The following CACNA1H variants were observed in gnomAD, a reference collection of about 807,000 sequenced individuals.
The protein encoded by CACNA1H is calcium voltage-gated channel subunit alpha1 H.
Under a neutral mutation model 192.5 loss-of-function variants are expected in CACNA1H, and 149 were observed. That is an observed-to-expected ratio of 0.77 (90% CI 0.68 to 0.89). CACNA1H has a LOEUF of 0.89. Among genes scored for constraint, CACNA1H ranks in the 40% least tolerant of loss-of-function variants. The probability of loss-of-function intolerance (pLI) is 0.00; values close to 1 mark genes in which losing one functional copy is unlikely to be tolerated. For missense variants in CACNA1H, 4,257 were observed against 3,423.5 expected (o/e 1.24, Z -6.08); for synonymous variants, 2,202 against 1,475.2 (o/e 1.49, Z -11.29).
At chr16:1,158,546 G>A (rs987705221) in intron 2 of CACNA1H, among the ~76,000 whole-genome samples, 28 of 152,216 alleles carry the variant, frequency 1.8e-4, no homozygotes, top group Non-Finnish European at 3.1e-4. Flanking sequence ...TCTTGTTCCC[G>A]CCAGGAAGTG....
chr16:1,181,632 T>G (rs1484857213), intron 2 of CACNA1H, among the ~76,000 whole-genome samples: 1 of 152,230 alleles, frequency 6.6e-6, no homozygotes, highest in Non-Finnish European at 1.5e-5. Context: ...TAAATAGGTA[T>G]ATTAGGTCTC....
rs746581234 is a variant in CACNA1H at position 1,210,334 on chromosome 16, C to T, written c.3846-36C>T. On this transcript the variant is annotated intron_variant, in intron 18 of 34. Coordinates refer to ENST00000348261, the MANE Select transcript of CACNA1H (RefSeq NM_021098.3). ...CCCATCCACTCTGCCATCCACGCCG[C>T]CCCGCCCCACCTCTCACCCGCCCCC... 5.7e-6 allele frequency: 7 copies of T among 1,233,170 alleles called. No individual in the cohort carries two copies. In the Admixed American group the frequency reaches 1.5e-4, roughly 26 times the overall value. 76.4% of individuals were successfully genotyped at this position (1,233,170 alleles called of 1,614,324 possible).
At chr16:1,187,972 C>A (rs73498012) in intron 2 of CACNA1H, among the ~76,000 whole-genome samples, 1 of 152,214 alleles carries the variant, frequency 6.6e-6, no homozygotes, top group Non-Finnish European at 1.5e-5. Flanking sequence ...CAGGCCGAGC[C>A]GTGTCAGTCA....
At chr16:1,199,025 C>G (rs1244746100) in intron 6 of CACNA1H, 8 of 482,030 alleles carry the variant, frequency 1.7e-5, no homozygotes, top group Non-Finnish European at 3.0e-5. Flanking sequence ...CACATATGCC[C>G]CACCCCCCAC....
chr16:1,216,946 C>A lies in CACNA1H; in HGVS notation c.5259C>A (p.Gly1753=). Residue 1753 remains glycine, a synonymous_variant, in exon 31 of 35, where the codon GGC becomes GGA. Transcript: ENST00000348261. ...VQALPQVGNL[G]LLFMLLFFIY... ...CTCTTGTGTAGGTGGGGAACCTGGG[C>A]CTTCTTTTCATGCTCCTGTTTTTTA... 6.2e-7 allele frequency: 1 copy of A among 1,603,722 alleles called. No individual in the cohort carries two copies. Among genetic ancestry groups the A allele is most frequent in the Non-Finnish European group, 8.5e-7 (1 of 1,175,316 alleles).
chr16:1,158,481 A>C (rs998805027), intron 2 of CACNA1H, among the ~76,000 whole-genome samples: 2 of 152,094 alleles, frequency 1.3e-5, no homozygotes, highest in African/African-American at 4.8e-5. Context: ...CGCCTGTCGT[A>C]GTCATTCCCT....
intron 14 of CACNA1H, 82 bp downstream of exon 14, chr16:1,207,512 G>T (rs958761437): frequency 1.4e-6 from 2 of 1,442,312 alleles, no homozygotes; most frequent in Non-Finnish European, 1.9e-6. Context: ...GGGGTGTGGG[G>T]GGCCTGCCAA....
chr16:1,181,583 T>C (rs962648134), intron 2 of CACNA1H, among the ~76,000 whole-genome samples: 1 of 152,264 alleles, frequency 6.6e-6, no homozygotes, highest in African/African-American at 2.4e-5. Context: ...CACTCAATTA[T>C]GCCTTGAAAA....
chr16:1,209,981 G>C (rs898400463), intron 17 of CACNA1H, 54 bp from the exon 18 acceptor site: 43 of 1,360,308 alleles, frequency 3.2e-5, no homozygotes, highest in Middle Eastern at 4.6e-4. Context: ...GGGCCCTGAT[G>C]GGGGGCCGGG....
chr16:1,213,508 C>T (rs1387911864), intron 26 of CACNA1H, among the ~76,000 whole-genome samples: 2 of 152,050 alleles, frequency 1.3e-5, no homozygotes, highest in Non-Finnish European at 2.9e-5. Context: ...GTGGCCTGCC[C>T]CGAAGGCCTG....
chr16:1,210,345 CTCTCACCCGCCCCCGCCCA>C lies in CACNA1H; in HGVS notation c.3846-24_3846-6del. 9.4e-7 allele frequency: 1 copy of C among 1,058,310 alleles called. No individual in the cohort carries two copies. The highest frequency in any genetic ancestry group is 1.4e-6 in the Non-Finnish European group (1 of 726,384). The allele number at this position is 1,058,310 out of a possible 1,614,324, so 65.6% of individuals were successfully genotyped here. On this transcript the variant is annotated splice_polypyrimidine_tract_variant and splice_region_variant and intron_variant, in intron 18 of 34. Transcript: ENST00000348261. Reference sequence around the variant, plus strand: ...TGCCATCCACGCCGCCCCGCCCCACCTCTCACCCGCCCCCGCCCACCCAGGTTCCGCGTCTCCTGCCAGA... The same window carrying C: ...TGCCATCCACGCCGCCCCGCCCCACCCCCAGGTTCCGCGTCTCCTGCCAGA...
At chr16:1,210,345 C>CCCT in intron 18 of CACNA1H, 25 bp from the exon 19 acceptor site, 1 of 1,058,316 alleles carries the variant, frequency 9.4e-7, no homozygotes, top group Non-Finnish European at 1.4e-6. Context: ...CCCGCCCCAC[C>CCCT]TCTCACCCGC....
intron 4 of CACNA1H, 131 bp from the exon 5 acceptor site, chr16:1,195,795 C>G: frequency 1.1e-6 from 1 of 900,346 alleles, no homozygotes; most frequent in Non-Finnish European, 1.8e-6. Flanking sequence ...GGGGCCCTTC[C>G]TGGCCAGTAC....
chr16:1,200,764 G>A lies in CACNA1H; in HGVS notation c.1168G>A (p.Ala390Thr), dbSNP rs1215234570. 1.9e-6 allele frequency: 3 copies of A among 1,556,068 alleles called. No homozygotes were observed. Among genetic ancestry groups the A allele is most frequent in the Non-Finnish European group, 2.6e-6 (3 of 1,149,792 alleles). ...WVDIMYYVMD[A>T]HSFYNFIYFI... is the part of the protein sequence containing the mutation. ...GGACATCATGTACTACGTCATGGAC[G>A]CCCACTCATTCTACAACTTCATCTA... Residue 390 changes from alanine to threonine, a missense_variant, in exon 8 of 35, where the codon GCC becomes ACC. Physicochemically the swap from Ala to Thr is moderately conservative, Grantham distance 58 (BLOSUM62 0). Transcript: ENST00000348261.
chr16:1,155,785 T>C (rs1306100464), intron 2 of CACNA1H, among the ~76,000 whole-genome samples: 1 of 152,130 alleles, frequency 6.6e-6, no homozygotes, highest in African/African-American at 2.4e-5. Flanking sequence ...TTTGCGTTGC[T>C]GTGTGCAGGG....
intron 2 of CACNA1H, among the ~76,000 whole-genome samples, chr16:1,159,091 G>A (rs2151637543): frequency 6.6e-6 from 1 of 152,356 alleles, no homozygotes. Context: ...CAGCCTTCAG[G>A]CCCTGATGGG....
chr16:1,211,122 AGCTGCTGCCATAGATGACT>A, intron 21 of CACNA1H, 27 bp from the exon 22 acceptor site: 1 of 1,599,838 alleles, frequency 6.3e-7, no homozygotes, highest in Non-Finnish European at 8.5e-7. Context: ...GGCGCCTGGC[AGCTGCTGCCATAGATGACT>A]GCAGTGTATC....
At chr16:1,191,566 C>T (rs369989350) in intron 2 of CACNA1H, among the ~76,000 whole-genome samples, 24 of 13,804 alleles carry the variant, frequency 1.7e-3, no homozygotes, top group African/African-American at 0.011. Context: ...TCTGACCCAG[C>T]AGGCTGGCCT....
intron 25 of CACNA1H, 78 bp downstream of exon 25, chr16:1,212,216 C>A (rs531128359): frequency 9.4e-6 from 14 of 1,497,148 alleles, no homozygotes; most frequent in Non-Finnish European, 1.2e-5. Flanking sequence ...CCTCCACTCC[C>A]GCCCCGGCCT....
Sources: allele counts gnomAD v4.1 joint callset (sites outside exome capture counted in the v4.1 genomes callset), GRCh38; gene constraint gnomAD v4.1.1; transcripts MANE v1.5; gene names NCBI Gene and HGNC (gene_info 2026-07-23, HGNC 2026-07-21).